MYRIP: variants seen among roughly 807,000 people sequenced by gnomAD.
The protein encoded by MYRIP is myosin VIIA and Rab interacting protein.
A neutral mutation model predicts 98.0 loss-of-function variants in MYRIP; 49 were observed. That is an observed-to-expected ratio of 0.50 (90% CI 0.40 to 0.63). The LOEUF (loss-of-function observed/expected upper bound fraction) is 0.63. Among genes scored for constraint, MYRIP ranks in the 30% least tolerant of loss-of-function variants. The pLI is 0.00. For missense variants in MYRIP, 1,004 were observed against 1,058.2 expected (o/e 0.95, Z 0.71); for synonymous variants, 404 against 409.5 (o/e 0.99, Z 0.16).
intron 1 of MYRIP, among the ~76,000 whole-genome samples, chr3:39,850,579 A>G (rs769986046): frequency 9.9e-5 from 15 of 152,222 alleles, no homozygotes; most frequent in South Asian, 6.2e-4. Flanking sequence ...AAAAAAATCT[A>G]CTATTAGTTG....
rs78146184 is a variant in MYRIP, at chr3:39,863,898, C to T, written c.-30-36889C>T. Among the ~76,000 whole-genome samples the T allele has an allele frequency of 5.8e-3, 888 of 152,064 alleles. 8 individuals carry two copies. The highest frequency in any genetic ancestry group is 0.02 in the African/African-American group (844 of 41,494). On this transcript the variant is annotated intron_variant, in intron 1 of 16. Coordinates refer to ENST00000302541, the MANE Select transcript of MYRIP (RefSeq NM_015460.4). ...TGATGATCATAGATGCAAAAACCCT[C>T]AAAAAAATACTAGCAAACCAAATCC...
chr3:40,073,627 G>A (rs1386042001), intron 3 of MYRIP, among the ~76,000 whole-genome samples: 2 of 152,220 alleles, frequency 1.3e-5, no homozygotes, highest in African/African-American at 4.8e-5. Context: ...TTGCCTCTGC[G>A]TATCTCTTAG....
rs1299304243 is a variant in MYRIP, at chr3:40,189,812, C to T, written c.1028-14C>T. The T allele has an allele frequency of 6.3e-7, 1 of 1,593,520 alleles. No individual in the cohort carries two copies. Among genetic ancestry groups the T allele is most frequent in the Non-Finnish European group, 8.5e-7 (1 of 1,170,898 alleles). On this transcript the variant is annotated splice_polypyrimidine_tract_variant and intron_variant, in intron 9 of 16. Transcript: ENST00000302541. ...ACAGCCCCTCTCTGCTTTCTCTATCCTCTCCATCCACAGACCTGGCCCCAG... is the reference window on the plus strand; with the variant it reads ...ACAGCCCCTCTCTGCTTTCTCTATCTTCTCCATCCACAGACCTGGCCCCAG...
At chr3:39,832,467 G>A (rs1941480719) in intron 1 of MYRIP, among the ~76,000 whole-genome samples, 1 of 152,096 alleles carries the variant, frequency 6.6e-6, no homozygotes, top group Admixed American at 6.6e-5. Flanking sequence ...GAGATGACAT[G>A]CATTCAATAC....
At chr3:40,061,661 C>T (rs1055000518) in intron 3 of MYRIP, among the ~76,000 whole-genome samples, 1 of 152,204 alleles carries the variant, frequency 6.6e-6, no homozygotes, top group Non-Finnish European at 1.5e-5. Flanking sequence ...AATTGCCATA[C>T]TGCTTTCCAC....
chr3:40,235,866 A>G (rs1406167833), intron 12 of MYRIP, among the ~76,000 whole-genome samples: 1 of 152,166 alleles, frequency 6.6e-6, no homozygotes, highest in African/African-American at 2.4e-5. Flanking sequence ...CAACATTTAG[A>G]AGGGTTAAAC....
chr3:40,160,307 G>T (rs1950355706), intron 4 of MYRIP, among the ~76,000 whole-genome samples: 1 of 152,346 alleles, frequency 6.6e-6, no homozygotes, highest in African/African-American at 2.4e-5. Flanking sequence ...AGGCTGCTCG[G>T]GGATCAGGGG....
intron 2 of MYRIP, among the ~76,000 whole-genome samples, chr3:39,960,831 A>T (rs1392254138): frequency 6.6e-6 from 1 of 152,160 alleles, no homozygotes; most frequent in Non-Finnish European, 1.5e-5. Flanking sequence ...TCTGGTTTTA[A>T]ACAATTGCAT....
At chr3:39,921,018 A>G (rs1327858424) in intron 2 of MYRIP, among the ~76,000 whole-genome samples, 3 of 152,196 alleles carry the variant, frequency 2.0e-5, no homozygotes, top group Admixed American at 6.5e-5. Flanking sequence ...GGGAATGACA[A>G]AGGATCCCTC....
intron 11 of MYRIP, among the ~76,000 whole-genome samples, chr3:40,230,648 GGTGCAA>G (rs553835804): frequency 3.9e-5 from 6 of 152,114 alleles, no homozygotes; most frequent in Non-Finnish European, 5.9e-5. Context: ...CCCACCCTCA[GGTGCAA>G]GCAAACAGCC....
At chr3:40,211,885 G>C (rs1298490475) in intron 11 of MYRIP, among the ~76,000 whole-genome samples, 1 of 151,834 alleles carries the variant, frequency 6.6e-6, no homozygotes, top group African/African-American at 2.4e-5. Flanking sequence ...GGAGCTACTG[G>C]GGGGACTTCC....
At chr3:40,133,510 C>G (rs1949691699) in intron 3 of MYRIP, among the ~76,000 whole-genome samples, 1 of 152,098 alleles carries the variant, frequency 6.6e-6, no homozygotes, top group Admixed American at 6.5e-5. Context: ...AAGATTTATG[C>G]TTAGAGAAGA....
At chr3:40,233,730 A>G in intron 11 of MYRIP, 129 bp from the exon 12 acceptor site, 2 of 844,046 alleles carry the variant, frequency 2.4e-6, no homozygotes, top group Non-Finnish European at 3.7e-6. Flanking sequence ...TCTTCAGCAC[A>G]TTGGTGTTTG....
At chr3:39,928,650 C>CAA (rs34071191) in intron 2 of MYRIP, among the ~76,000 whole-genome samples, 39,021 of 147,308 alleles carry the variant, frequency 0.26, 5,263 homozygotes, top group Middle Eastern at 0.36. Context: ...AAAAAATTAT[C>CAA]AAAAAAAAAA....
chr3:39,874,849 G>T (rs1330936238), intron 1 of MYRIP, among the ~76,000 whole-genome samples: 2 of 152,100 alleles, frequency 1.3e-5, no homozygotes, highest in Non-Finnish European at 2.9e-5. Context: ...GATGATGCTG[G>T]CCTCATAAAA....
At chr3:40,169,854 T>C (rs1047887061) in intron 7 of MYRIP, 96 bp from the exon 8 acceptor site, 1 of 1,466,056 alleles carries the variant, frequency 6.8e-7, no homozygotes, top group Non-Finnish European at 9.4e-7. Flanking sequence ...AGCTTATAAG[T>C]GGCTGAAAAA....
chr3:40,012,779 T>A, intron 2 of MYRIP, among the ~76,000 whole-genome samples: 1 of 152,234 alleles, frequency 6.6e-6, no homozygotes, highest in East Asian at 1.9e-4. Context: ...TTGGCTTCCC[T>A]GGTTCTCAGG....
In MYRIP at chr3:39,880,650, T is replaced by G. The variant is rs542537802; in HGVS notation, c.-30-20137T>G. ...GTCTTTTTTTGCTTCTATTTACTCA[T>G]CTGCAAATAATAATTCTTTCTAGCT... On this transcript the variant is annotated intron_variant, in intron 1 of 16. Transcript: ENST00000302541. Among the ~76,000 whole-genome samples the G allele has an allele frequency of 1.1e-4, 16 of 152,336 alleles. 1 individual carries two copies. The highest frequency in any genetic ancestry group is 3.3e-4 in the Admixed American group (5 of 15,306).
chr3:39,896,344 G>A (rs1943610997), intron 1 of MYRIP, among the ~76,000 whole-genome samples: 1 of 152,178 alleles, frequency 6.6e-6, no homozygotes, highest in African/African-American at 2.4e-5. Context: ...TCGGTCAGGG[G>A]TGAATTTCAG....
Sources: allele counts gnomAD v4.1 joint callset (sites outside exome capture counted in the v4.1 genomes callset), GRCh38; gene constraint gnomAD v4.1.1; transcripts MANE v1.5; gene names NCBI Gene and HGNC (gene_info 2026-07-23, HGNC 2026-07-21).